Variants in DNHD1 observed in about 807,000 individuals in gnomAD.
The protein encoded by DNHD1 is dynein heavy chain domain 1.
A neutral mutation model predicts 458.1 loss-of-function variants in DNHD1; 383 were observed. The observed-to-expected ratio is 0.84, with a 90% confidence interval of 0.77 to 0.91. The LOEUF (loss-of-function observed/expected upper bound fraction) is 0.91, where lower values mean the gene tolerates loss of function less well. Ranked by LOEUF, DNHD1 falls within the 40% of genes least tolerant of loss-of-function variation. DNHD1 has a pLI of 0.00. For missense variants in DNHD1, 5,336 were observed against 5,866.1 expected, an observed-to-expected ratio of 0.91 and a Z score of 2.95; for synonymous variants, 2,203 against 2,376.9, an observed-to-expected ratio of 0.93 and a Z score of 2.13.
chr11:6,513,323 T>G (rs1346533015), intron 7 of DNHD1, among the ~76,000 whole-genome samples: 2 of 152,218 alleles, frequency 1.3e-5, no homozygotes, highest in Non-Finnish European at 2.9e-5. Flanking sequence ...TGGATCACGA[T>G]AGAGAACATT....
At position 6,571,327 on chromosome 11, in the gene DNHD1, T is replaced by C. The variant is rs781604720; in HGVS notation, c.13815T>C (p.Asn4605=). The change falls in exon 42 of 43, where the codon AAT becomes AAC. Residue 4605 remains asparagine (N), a synonymous_variant. Coordinates refer to ENST00000254579, the MANE Select transcript of DNHD1 (RefSeq NM_144666.3). The surrounding 1 kb of genome is among the most constrained non-coding windows in gnomAD (Gnocchi z 5.0). Reference sequence around the variant, plus strand: ...GTGGGGAAGCTGCCCTGGACCAGAATGTGCCCAGCTCGAATTTCCCTGGTA... The same window carrying C: ...GTGGGGAAGCTGCCCTGGACCAGAACGTGCCCAGCTCGAATTTCCCTGGTA... ...ALRGEAALDQ[N]VPSSNFPGSR... The C allele has an allele frequency of 3.1e-6, 5 of 1,612,664 alleles. No individual in the cohort carries two copies. The Admixed American group carries it at 6.7e-5, about 22-fold the overall frequency.
chr11:6,521,609 A>T (rs1167019029), intron 10 of DNHD1, among the ~76,000 whole-genome samples: 1 of 152,248 alleles, frequency 6.6e-6, no homozygotes, highest in African/African-American at 2.4e-5. Flanking sequence ...TGTTGAATCT[A>T]AGTAGATGGA....
At chr11:6,538,353 C>T in intron 14 of DNHD1, 30 bp from the exon 15 acceptor site, 1 of 1,551,342 alleles carries the variant, frequency 6.4e-7, no homozygotes, top group African/African-American at 1.4e-5. Context: ...CTGCAAGTAG[C>T]CCAGGTCTCA....
chr11:6,545,811 G>A lies in DNHD1; in HGVS notation c.4872G>A (p.Lys1624=). ...CCAAAAGCCCCCTACAGAGTCTTAA[G>A]ACTATTGCATCTTCTGAACCCTCTC... ...IIPKSPLQSL[K]TIASSEPSLS... is the part of the protein sequence containing the mutation. The change falls in exon 21 of 43, where the codon AAG becomes AAA. Residue 1624 remains lysine, a synonymous_variant. Coordinates refer to ENST00000254579, the MANE Select transcript of DNHD1 (RefSeq NM_144666.3). This position sits in a 1 kb window ranked among gnomAD's most constrained non-coding sequence, Gnocchi z 4.9. 1 of 1,551,898 alleles carries A rather than the reference G, an allele frequency of 6.4e-7. No homozygotes were observed. The highest frequency in any genetic ancestry group is 8.7e-7 in the Non-Finnish European group (1 of 1,147,026).
Position 6,571,973 on chromosome 11 carries a change from C to T in DNHD1, c.14249C>T (p.Pro4750Leu). Residue 4750 changes from proline (P) to leucine (L), a missense_variant, in exon 43 of 43, where the codon CCA (proline) becomes CTA (leucine). Transcript: ENST00000254579. The surrounding 1 kb of genome is among the most constrained non-coding windows in gnomAD (Gnocchi z 5.0). ...CAAAGGAGGGTCCATGTGTGCAGCC[C>T]ACCCCTGTCTTGAGCCCGTCTACCA... is the stretch of plus-strand genomic sequence containing the variant. Reference protein sequence around the residue: ...CVQRRVHVCSPPLS With the variant: ...CVQRRVHVCSLPLS 1 of 1,606,406 alleles carries T rather than the reference C, an allele frequency of 6.2e-7. No individual in the cohort carries two copies. The highest frequency in any genetic ancestry group is 8.5e-7 in the Non-Finnish European group (1 of 1,174,456).
At chr11:6,523,389 G>A (rs985414960) in intron 10 of DNHD1, among the ~76,000 whole-genome samples, 1 of 152,030 alleles carries the variant, frequency 6.6e-6, no homozygotes, top group East Asian at 1.9e-4. Flanking sequence ...TTATAGATGA[G>A]AGAGAAGGAA....
At position 6,563,105 on chromosome 11, in the gene DNHD1, G is replaced by A; in HGVS notation, c.9643G>A (p.Ala3215Thr). Residue 3215 changes from alanine (A) to threonine (T), a missense_variant, in exon 29 of 43, where the codon GCT becomes ACT. This residue lies in a region of DNHD1 where 3,932 missense variants were observed against 4,365.6 expected (regional missense o/e 0.90). Transcript: ENST00000254579. ...GGCCAGGCAACGGGATGCCCTGCAA[G>A]CTCAGCGAGAGGCTTTCCTGGAGCA... Reference protein sequence around the residue: ...NLARQRDALQAQREAFLEQMS... With the variant: ...NLARQRDALQTQREAFLEQMS... The A allele has an allele frequency of 2.6e-6, 4 of 1,551,710 alleles. No homozygotes were observed. The highest frequency in any genetic ancestry group is 1.4e-5 in the African/African-American group (1 of 73,166).
intron 18 of DNHD1, among the ~76,000 whole-genome samples, chr11:6,541,945 C>A (rs951996838): frequency 6.6e-6 from 1 of 152,186 alleles, no homozygotes; most frequent in Non-Finnish European, 1.5e-5. Flanking sequence ...TCAACTTCTG[C>A]ATAGAGGAGA....
intron 24 of DNHD1, among the ~76,000 whole-genome samples, chr11:6,551,963 GC>G (rs201343559): frequency 0.012 from 1,855 of 149,418 alleles, 190 homozygotes; most frequent in African/African-American, 0.044. Context: ...GGGGAGCCAG[GC>G]ATGGTGGCAT....
At chr11:6,525,268 T>C (rs1307961037) in intron 10 of DNHD1, among the ~76,000 whole-genome samples, 1 of 152,126 alleles carries the variant, frequency 6.6e-6, no homozygotes, top group Non-Finnish European at 1.5e-5. Flanking sequence ...CATCTCACCA[T>C]CAAAATCTGC....
At chr11:6,511,973 C>T (rs114475773) in intron 7 of DNHD1, among the ~76,000 whole-genome samples, 1,725 of 152,276 alleles carry the variant, frequency 0.011, 37 homozygotes, top group African/African-American at 0.04. Flanking sequence ...GCTGGATATT[C>T]ACACAGGACT....
Position 6,558,044 on chromosome 11 carries a change from T to G in DNHD1, c.8749T>G (p.Ser2917Ala). ...TCAGGCCCATTTCTTTCATCTACCA[T>G]CTGGGTCAGAGGAGGCCATTCTCCA... ...ICQAHFFHLP[S>A]GSEEAILQCL... The change falls in exon 25 of 43, where the codon TCT becomes GCT. Residue 2917 changes from serine (S) to alanine (A), a missense_variant. Ser to Ala is a moderately conservative substitution (Grantham distance 99). Around this residue, in one of 4 missense-constraint regions of DNHD1, gnomAD observed 3,932 missense variants for 4,365.6 expected, o/e 0.90. Coordinates refer to ENST00000254579, the MANE Select transcript of DNHD1 (RefSeq NM_144666.3). The G allele has an allele frequency of 6.4e-7, 1 of 1,551,636 alleles. No individual in the cohort carries two copies. Among genetic ancestry groups the G allele is most frequent in the Non-Finnish European group, 8.7e-7 (1 of 1,146,968 alleles).
rs1201413387 is a variant in DNHD1 at position 6,548,596 on chromosome 11, A to C, written c.7099-49A>C. On this transcript the variant is annotated intron_variant, in intron 23 of 42. Transcript: ENST00000254579. This position sits in a 1 kb window ranked among gnomAD's most constrained non-coding sequence, Gnocchi z 4.4. ...TTAGACTTTTATTTTCAGCTAGATT[A>C]CTGTCTTATACTGGAGGTGCTGCAG... 1 of 1,542,344 alleles carries C rather than the reference A, an allele frequency of 6.5e-7. No homozygotes were observed. The highest frequency in any genetic ancestry group is 8.8e-7 in the Non-Finnish European group (1 of 1,142,102).
At position 6,547,445 on chromosome 11, in the gene DNHD1, G is replaced by A. The variant is rs538238458; in HGVS notation, c.6506G>A (p.Arg2169His). The change falls in exon 21 of 43, where the codon CGC becomes CAC. Residue 2169 changes from arginine to histidine, a missense_variant. Around this residue, in one of 4 missense-constraint regions of DNHD1, gnomAD observed 3,932 missense variants for 4,365.6 expected, o/e 0.90. Coordinates refer to ENST00000254579, the MANE Select transcript of DNHD1 (RefSeq NM_144666.3). ...ALMASLPYEYRLQHRTVAELN... is the reference protein window; with the variant it reads ...ALMASLPYEYHLQHRTVAELN... ...ATGGCATCCCTTCCTTATGAGTACC[G>A]CCTGCAGCACCGGACAGTCGCTGAG... 1.9e-5 allele frequency: 29 copies of A among 1,551,618 alleles called. No individual in the cohort carries two copies. Among genetic ancestry groups the A allele is most frequent in the Middle Eastern group, 3.3e-4 (2 of 5,992 alleles).
chr11:6,546,909 C>G lies in DNHD1; in HGVS notation c.5970C>G (p.Leu1990=). The G allele has an allele frequency of 1.3e-6, 2 of 1,551,632 alleles. No individual in the cohort carries two copies. The highest frequency in any genetic ancestry group is 8.7e-7 in the Non-Finnish European group (1 of 1,146,946). The part of the protein sequence containing the change: ...QALSRASGIL[L]LGPAGSGKTT... ...TGAGCCGGGCCTCAGGCATTCTGCT[C>G]CTGGGCCCTGCGGGCAGCGGCAAGA... The change falls in exon 21 of 43, where the codon CTC becomes CTG. Residue 1990 remains leucine (L), a synonymous_variant. Coordinates refer to ENST00000254579, the MANE Select transcript of DNHD1 (RefSeq NM_144666.3).
chr11:6,512,919 G>A (rs1852376263), intron 7 of DNHD1, among the ~76,000 whole-genome samples: 1 of 152,102 alleles, frequency 6.6e-6, no homozygotes, highest in South Asian at 2.1e-4. Context: ...TTCTTTGGAT[G>A]TTTTAGAAGA....
At chr11:6,531,206 G>A (rs752527593) in intron 12 of DNHD1, among the ~76,000 whole-genome samples, 12 of 151,902 alleles carry the variant, frequency 7.9e-5, no homozygotes, top group Admixed American at 3.9e-4. Context: ...TAACTCTGTC[G>A]TTTCTCTTCT....
chr11:6,556,775 C>T lies in DNHD1; in HGVS notation c.7480C>T (p.Leu2494=), dbSNP rs775206178. The change falls in exon 25 of 43, where the codon CTG becomes TTG. Residue 2494 remains leucine (L), a synonymous_variant. Transcript: ENST00000254579. ...YAHSTLELQT[L]QPTVNFLATV... is the part of the protein sequence containing the mutation. ...CCACAGCACCTTGGAACTGCAGACG[C>T]TGCAGCCTACAGTCAACTTCCTTGC... The T allele has an allele frequency of 6.4e-7, 1 of 1,551,648 alleles. No homozygotes were observed. Among genetic ancestry groups the T allele is most frequent in the Non-Finnish European group, 8.7e-7 (1 of 1,146,934 alleles).
At chr11:6,542,572 C>T (rs1853117686) in intron 18 of DNHD1, among the ~76,000 whole-genome samples, 1 of 152,164 alleles carries the variant, frequency 6.6e-6, no homozygotes, top group African/African-American at 2.4e-5. Context: ...TTCTCTGTAC[C>T]AGGCTTTCTT....
Sources: allele counts gnomAD v4.1 joint callset (sites outside exome capture counted in the v4.1 genomes callset), GRCh38; gene constraint gnomAD v4.1.1; regional missense constraint gnomAD v4.1.1; non-coding constraint Gnocchi (gnomAD v3.1); transcripts MANE v1.5; gene names NCBI Gene and HGNC (gene_info 2026-07-23, HGNC 2026-07-21).